The following CDCA2 variants were observed in gnomAD, a reference collection of about 807,000 sequenced individuals.
The protein encoded by CDCA2 is cell division cycle-associated protein 2.
Under a neutral mutation model 67.0 loss-of-function variants are expected in CDCA2, and 44 were observed. That is an observed-to-expected ratio of 0.66 (90% confidence interval 0.52 to 0.84). The LOEUF is 0.84. CDCA2 is among the 40% of genes least tolerant of loss of function. The probability of loss-of-function intolerance (pLI) is 0.00; values close to 1 mark genes in which losing one functional copy is unlikely to be tolerated. For synonymous variants in CDCA2, 447 were observed against 418.7 expected, an observed-to-expected ratio of 1.07 and a Z score of -0.82; for missense variants, 1,253 against 1,203.2, an observed-to-expected ratio of 1.04 and a Z score of -0.61.
At chr8:25,497,539 A>G (rs1804282973) in intron 13 of CDCA2, among the ~76,000 whole-genome samples, 3 of 147,718 alleles carry the variant, frequency 2.0e-5, no homozygotes, top group Admixed American at 6.7e-5. Flanking sequence ...AGCTGAGAAT[A>G]GAATGGTGGT....
chr8:25,489,442 C>G (rs1009749546), intron 13 of CDCA2, among the ~76,000 whole-genome samples: 4 of 152,190 alleles, frequency 2.6e-5, no homozygotes, highest in Non-Finnish European at 2.9e-5. Flanking sequence ...CAACTCTTGT[C>G]AGGAATCTCA....
At chr8:25,482,667 A>G (rs1803616967) in intron 8 of CDCA2, among the ~76,000 whole-genome samples, 1 of 152,206 alleles carries the variant, frequency 6.6e-6, no homozygotes, top group Non-Finnish European at 1.5e-5. Context: ...TCATGGGTTC[A>G]AGACCTGCCT....
chr8:25,503,649 C>T (rs980742873), intron 14 of CDCA2, 105 bp downstream of exon 14: 7 of 1,137,328 alleles, frequency 6.2e-6, no homozygotes, highest in South Asian at 4.9e-5. Flanking sequence ...GTAAAGAGTA[C>T]GTAAATTTTA....
intron 12 of CDCA2, 119 bp downstream of exon 12, chr8:25,487,453 A>G: frequency 1.4e-6 from 1 of 709,024 alleles, no homozygotes; most frequent in Non-Finnish European, 2.4e-6. Flanking sequence ...TTAAGAATTA[A>G]TACTTTGGCC....
chr8:25,497,325 G>A (rs182802491), intron 13 of CDCA2, among the ~76,000 whole-genome samples: 1 of 152,126 alleles, frequency 6.6e-6, no homozygotes, highest in Non-Finnish European at 1.5e-5. Context: ...CCATCAACAG[G>A]TGAATGGATA....
At chr8:25,505,684 T>C (rs1804648795) in intron 14 of CDCA2, among the ~76,000 whole-genome samples, 1 of 152,218 alleles carries the variant, frequency 6.6e-6, no homozygotes. Context: ...TTTATACTTT[T>C]TTTAGTTTTT....
At chr8:25,464,769 G>A (rs17053754) in intron 4 of CDCA2, among the ~76,000 whole-genome samples, 61,383 of 151,978 alleles carry the variant, frequency 0.4, 12,799 homozygotes, top group African/African-American at 0.52. Context: ...CTGTCGTTCT[G>A]TTAGATGAAT....
chr8:25,489,790 A>G (rs1327295551), intron 13 of CDCA2, among the ~76,000 whole-genome samples: 1 of 152,160 alleles, frequency 6.6e-6, no homozygotes, highest in Non-Finnish European at 1.5e-5. Context: ...TGCCCTTGTA[A>G]ATTGTTTATC....
intron 7 of CDCA2, among the ~76,000 whole-genome samples, chr8:25,470,699 A>T (rs1004954793): frequency 2.0e-5 from 3 of 151,454 alleles, no homozygotes; most frequent in African/African-American, 7.3e-5. Flanking sequence ...ACAGATACAC[A>T]CTTACTTCAT....
At position 25,468,099 on chromosome 8, in the gene CDCA2, CAA is replaced by C. The variant is rs1407736090; in HGVS notation, c.539-117_539-116del. The stretch of plus-strand genomic sequence containing the variant: ...CACCATTGTACTCAAGCCTGGGCGA[CAA>C]GAGTGAAACTCCGTCTCAAAAAAAA... On this transcript the variant is annotated intron_variant, in intron 5 of 14. Coordinates refer to ENST00000330560, the MANE Select transcript of CDCA2 (RefSeq NM_152562.4). The C allele has an allele frequency of 4.0e-5, 13 of 328,954 alleles. No individual in the cohort carries two copies. In the South Asian group the frequency reaches 4.5e-4, roughly 11 times the overall value. 20.4% of individuals were successfully genotyped at this position (328,954 alleles called of 1,614,324 possible). A position where few individuals can be genotyped will look rare whatever the true frequency, so the allele number is the denominator to read the frequency against.
At chr8:25,488,474 C>T (rs1453616539) in intron 12 of CDCA2, 78 bp from the exon 13 acceptor site, 22 of 1,342,110 alleles carry the variant, frequency 1.6e-5, no homozygotes, top group Non-Finnish European at 2.2e-5. Flanking sequence ...TCCTGGGAAG[C>T]ACAACAAGAG....
At chr8:25,490,920 A>G (rs997376607) in intron 13 of CDCA2, among the ~76,000 whole-genome samples, 3 of 152,194 alleles carry the variant, frequency 2.0e-5, no homozygotes, top group Non-Finnish European at 2.9e-5. Flanking sequence ...AAACAAGGCA[A>G]TTGAATAGAA....
chr8:25,499,786 C>T lies in CDCA2; in HGVS notation c.1672-3587C>T, dbSNP rs1270947380. Among the ~76,000 whole-genome samples the T allele has an allele frequency of 3.3e-5, 5 of 152,130 alleles. No individual in the cohort carries two copies. In the South Asian group the frequency reaches 1.0e-3, roughly 31 times the overall value. ...TTTAGGGACAATCCCTTCAGTTGTT[C>T]TTTGGCGATTCTAAGCCATAATCCA... On this transcript the variant is annotated intron_variant, in intron 13 of 14. Coordinates refer to ENST00000330560, the MANE Select transcript of CDCA2 (RefSeq NM_152562.4).
At chr8:25,497,544 G>A (rs993519518) in intron 13 of CDCA2, among the ~76,000 whole-genome samples, 1 of 148,862 alleles carries the variant, frequency 6.7e-6, no homozygotes, top group Admixed American at 6.7e-5. Flanking sequence ...AGAATAGAAT[G>A]GTGGTTGTCA....
Position 25,468,417 on chromosome 8 carries a change from A to T in CDCA2, c.735+4A>T. On this transcript the variant is annotated splice_donor_region_variant and intron_variant, in intron 6 of 14. Transcript: ENST00000330560. ...AACTTCTGTAGATCTTTCTGAGGTA[A>T]TTCACTTACTTTACGCATAGGAAAA... The T allele has an allele frequency of 6.2e-7, 1 of 1,607,496 alleles. No individual in the cohort carries two copies. Among genetic ancestry groups the T allele is most frequent in the Non-Finnish European group, 8.5e-7 (1 of 1,176,200 alleles).
At chr8:25,491,939 A>G (rs1804021659) in intron 13 of CDCA2, among the ~76,000 whole-genome samples, 1 of 152,184 alleles carries the variant, frequency 6.6e-6, no homozygotes, top group Non-Finnish European at 1.5e-5. Flanking sequence ...CTGGGACTAC[A>G]GGAACGCACC....
At chr8:25,505,368 A>C (rs1225343106) in intron 14 of CDCA2, among the ~76,000 whole-genome samples, 1 of 151,934 alleles carries the variant, frequency 6.6e-6, no homozygotes, top group African/African-American at 2.4e-5. Flanking sequence ...TGCCTGGCTA[A>C]TTTTGTATTT....
In CDCA2 at chr8:25,468,092, T is replaced by C. The variant is rs1211052767; in HGVS notation, c.539-125T>C. 1.2e-5 allele frequency: 4 copies of C among 321,842 alleles called. No homozygotes were observed. In the East Asian group the frequency reaches 2.7e-4, roughly 22 times the overall value. The allele number at this position is 321,842 out of a possible 1,614,324, so 19.9% of individuals were successfully genotyped here. A position where few individuals can be genotyped will look rare whatever the true frequency, so the allele number is the denominator to read the frequency against. ...GAAATCGCACCATTGTACTCAAGCC[T>C]GGGCGACAAGAGTGAAACTCCGTCT... On this transcript the variant is annotated intron_variant, in intron 5 of 14. Coordinates refer to ENST00000330560, the MANE Select transcript of CDCA2 (RefSeq NM_152562.4).
chr8:25,497,595 T>G (rs1475641292), intron 13 of CDCA2, among the ~76,000 whole-genome samples: 2 of 151,752 alleles, frequency 1.3e-5, no homozygotes, highest in Non-Finnish European at 2.9e-5. Context: ...GAGGAGATGT[T>G]GGTTCAAGGG....
Sources: allele counts gnomAD v4.1 joint callset (sites outside exome capture counted in the v4.1 genomes callset), GRCh38; gene constraint gnomAD v4.1.1; transcripts MANE v1.5; gene names NCBI Gene and HGNC (gene_info 2026-07-23, HGNC 2026-07-21).